The following SUPT16H variants were observed in gnomAD, a reference collection of about 807,000 sequenced individuals.
SUPT16H encodes SPT16 homolog, facilitates chromatin remodeling subunit, also known as FACT complex subunit SPT16.
A neutral mutation model predicts 136.2 loss-of-function variants in SUPT16H; 24 were observed. The observed-to-expected ratio is 0.18, with a 90% CI of 0.13 to 0.25. The LOEUF is 0.25. Among genes scored for constraint, SUPT16H ranks in the 10% least tolerant of loss-of-function variants. The pLI is 1.00. For missense variants in SUPT16H, 623 were observed against 1,270.2 expected (o/e 0.49, Z 7.74); for synonymous variants, 415 against 428.2 (o/e 0.97, Z 0.38).
Position 21,358,332 on chromosome 14 carries a change from C to A in SUPT16H, c.2397G>T (p.Val799=). 6.2e-7 allele frequency: 1 copy of A among 1,611,094 alleles called. No individual in the cohort carries two copies. The part of the protein sequence containing the change: ...ALTKEELEFE[V]PFRDLGFNGA... Reference sequence around the variant, plus strand: ...TAGGTTACCCCAAGTCCCTAAAAGGCACTTCAAATTCCAGTTCCTCCTTAG... The same window carrying A: ...TAGGTTACCCCAAGTCCCTAAAAGGAACTTCAAATTCCAGTTCCTCCTTAG... Residue 799 remains valine, a synonymous_variant, in exon 20 of 26, where the codon GTG becomes GTT. Transcript: ENST00000216297.
At position 21,357,383 on chromosome 14, in the gene SUPT16H, G is replaced by A; in HGVS notation, c.2491-17C>T. The A allele has an allele frequency of 6.4e-7, 1 of 1,555,612 alleles. No homozygotes were observed. The highest frequency in any genetic ancestry group is 1.2e-5 in the South Asian group (1 of 81,502). On this transcript the variant is annotated splice_polypyrimidine_tract_variant and intron_variant, in intron 21 of 25. Coordinates refer to ENST00000216297, the MANE Select transcript of SUPT16H (RefSeq NM_007192.4). ...AAAAGGTGGCTGTCAGGGAGAAACTGAATCATTAGCATATAAGTATTTCCC... is the reference window on the plus strand; with the variant it reads ...AAAAGGTGGCTGTCAGGGAGAAACTAAATCATTAGCATATAAGTATTTCCC...
At chr14:21,370,706 C>G (rs1224307999) in intron 3 of SUPT16H, among the ~76,000 whole-genome samples, 2 of 152,114 alleles carry the variant, frequency 1.3e-5, no homozygotes, top group African/African-American at 4.8e-5. Context: ...CTCGAACTCC[C>G]AAGTTCAAGC....
At chr14:21,363,977 C>A (rs1323588493) in intron 10 of SUPT16H, among the ~76,000 whole-genome samples, 1 of 152,164 alleles carries the variant, frequency 6.6e-6, no homozygotes, top group Admixed American at 6.5e-5. Context: ...CTGCGCCCAG[C>A]CAAGAGCTAC....
At chr14:21,379,097 C>G (rs1886964962) in intron 1 of SUPT16H, among the ~76,000 whole-genome samples, 3 of 152,092 alleles carry the variant, frequency 2.0e-5, no homozygotes, top group Admixed American at 2.0e-4. Flanking sequence ...CTTCTATATG[C>G]CAGGCACTGT....
Position 21,360,435 on chromosome 14 carries a change from C to A in SUPT16H, c.2155G>T (p.Val719Phe), listed in dbSNP as rs1202651310. ...TATACCTTGAGGTGAAAGTGCAAGA[C>A]AATAATCATTTCTCCATCACAGGGC... ...FQPCDGEMII[V>F]LHFHLKNAIM... The change falls in exon 18 of 26, where the codon GTC becomes TTC. Residue 719 changes from valine to phenylalanine, a missense_variant. Val to Phe is a conservative substitution (Grantham distance 50). Transcript: ENST00000216297. The A allele has an allele frequency of 6.2e-7, 1 of 1,613,508 alleles. No homozygotes were observed. The highest frequency in any genetic ancestry group is 1.7e-5 in the Admixed American group (1 of 59,966).
intron 6 of SUPT16H, 104 bp from the exon 7 acceptor site, chr14:21,368,545 C>G: frequency 7.8e-7 from 1 of 1,289,516 alleles, no homozygotes; most frequent in Non-Finnish European, 1.0e-6. Flanking sequence ...CCTGCCATAT[C>G]CCAAAGCTGT....
chr14:21,362,448 A>T lies in SUPT16H; in HGVS notation c.1666-124T>A, dbSNP rs553838064. On this transcript the variant is annotated intron_variant, in intron 14 of 25. Coordinates refer to ENST00000216297, the MANE Select transcript of SUPT16H (RefSeq NM_007192.4). ...CTCTTAACCTTAATCTAAATCTAAT[A>T]AATTTACATAATTTATCTTTTTAAT... 116 of 920,786 alleles carry T rather than the reference A, an allele frequency of 1.3e-4. No homozygotes were observed. The South Asian group carries it at 1.8e-3, about 14-fold the overall frequency. 57.0% of individuals were successfully genotyped at this position (920,786 alleles called of 1,614,324 possible). A position where few individuals can be genotyped will look rare whatever the true frequency, so the allele number is the denominator to read the frequency against.
chr14:21,357,161 T>C lies in SUPT16H; in HGVS notation c.2660+36A>G, dbSNP rs201502703. 1,068 of 1,506,948 alleles carry C rather than the reference T, an allele frequency of 7.1e-4. 6 individuals carry two copies. The African/African-American group carries it at 7.7e-3, about 11-fold the overall frequency. The allele number at this position is 1,506,948 out of a possible 1,614,324, so 93.3% of individuals were successfully genotyped here. ...TTCAAATTCTATAAAACAGGGCTCATGGGCTAAATGGGAGACTGATGGCAG... is the reference window on the plus strand; with the variant it reads ...TTCAAATTCTATAAAACAGGGCTCACGGGCTAAATGGGAGACTGATGGCAG... On this transcript the variant is annotated intron_variant, in intron 22 of 25. Transcript: ENST00000216297.
chr14:21,372,121 C>T, intron 2 of SUPT16H, 77 bp from the exon 3 acceptor site: 1 of 1,442,326 alleles, frequency 6.9e-7, no homozygotes, highest in Non-Finnish European at 9.3e-7. Context: ...TACAGAAATA[C>T]TTATAGACAA....
chr14:21,372,641 T>C (rs1346350372), intron 2 of SUPT16H: 1 of 447,312 alleles, frequency 2.2e-6, no homozygotes, highest in Non-Finnish European at 4.4e-6. Context: ...CTAGAAGCCA[T>C]TCTGTACCAC....
chr14:21,368,100 T>C (rs562175538), intron 7 of SUPT16H, among the ~76,000 whole-genome samples, 169 bp downstream of exon 7: 1 of 152,290 alleles, frequency 6.6e-6, no homozygotes. Context: ...TTTTAATTTC[T>C]TGTAGAGATA....
At chr14:21,380,296 AT>A (rs60588939) in intron 1 of SUPT16H, among the ~76,000 whole-genome samples, 48 of 112,018 alleles carry the variant, frequency 4.3e-4, no homozygotes, top group African/African-American at 6.1e-4. Context: ...GGAAGACTGA[AT>A]TTTTTTTTTT....
chr14:21,352,688 C>T lies in SUPT16H; in HGVS notation c.3129G>A (p.Lys1043=), dbSNP rs1886340283. Residue 1043 remains lysine, a synonymous_variant, in exon 26 of 26, where the codon AAG becomes AAA. Coordinates refer to ENST00000216297, the MANE Select transcript of SUPT16H (RefSeq NM_007192.4). ...RGSRHSSAPP[K]KKRK ...AGTTCAGAAGTTACTTCCTCTTTTT[C>T]TTGGGGGGTGCAGAGCTGTGTCTGG... is the stretch of plus-strand genomic sequence containing the variant. 6 of 1,613,932 alleles carry T rather than the reference C, an allele frequency of 3.7e-6. No homozygotes were observed. The Admixed American group carries it at 6.7e-5, about 18-fold the overall frequency.
intron 21 of SUPT16H, among the ~76,000 whole-genome samples, chr14:21,357,615 T>G: frequency 6.6e-6 from 1 of 151,874 alleles, no homozygotes; most frequent in East Asian, 1.9e-4. Context: ...TAAAATAAAC[T>G]ATTTAAAAAG....
chr14:21,366,171 T>C (rs747614002), intron 8 of SUPT16H, among the ~76,000 whole-genome samples: 19 of 152,202 alleles, frequency 1.2e-4, no homozygotes, highest in Admixed American at 6.5e-4. Context: ...ATAGTATGTA[T>C]TGATAATATT....
chr14:21,373,291 GA>G, intron 2 of SUPT16H, 46 bp downstream of exon 2: 1 of 1,419,658 alleles, frequency 7.0e-7, no homozygotes, highest in Non-Finnish European at 1.0e-6. Flanking sequence ...CAGTGCAGTA[GA>G]TAATCCAACA....
At chr14:21,372,334 G>A in intron 2 of SUPT16H, 1 of 350,772 alleles carries the variant, frequency 2.9e-6, no homozygotes, top group Non-Finnish European at 5.3e-6. Flanking sequence ...TTTATAGGAA[G>A]TATATCAATG....
chr14:21,369,234 C>T lies in SUPT16H; in HGVS notation c.752G>A (p.Gly251Asp). The T allele has an allele frequency of 3.1e-6, 5 of 1,614,050 alleles. No individual in the cohort carries two copies. The highest frequency in any genetic ancestry group is 4.2e-6 in the Non-Finnish European group (5 of 1,179,988). The change falls in exon 6 of 26, where the codon GGC becomes GAC. Residue 251 changes from glycine (G) to aspartate (D), a missense_variant. Around this residue, in one of 7 missense-constraint regions of SUPT16H, gnomAD observed 343 missense variants for 525.7 expected, o/e 0.65. Transcript: ENST00000216297. ...CACACTGAACTTGAGATTATAGTTG[C>T]CACCACTCTGAATGATAGGAGGGTA... ...MCYPPIIQSG[G>D]NYNLKFSVVS...
At chr14:21,362,689 G>A (rs894079942) in intron 14 of SUPT16H, 105 bp downstream of exon 14, 1 of 1,292,836 alleles carries the variant, frequency 7.7e-7, no homozygotes, top group Non-Finnish European at 1.1e-6. Context: ...AGAGTCTGAA[G>A]GAGTCAAAAG....
Sources: allele counts gnomAD v4.1 joint callset (sites outside exome capture counted in the v4.1 genomes callset), GRCh38; gene constraint gnomAD v4.1.1; regional missense constraint gnomAD v4.1.1; transcripts MANE v1.5; gene names NCBI Gene and HGNC (gene_info 2026-07-23, HGNC 2026-07-21).